Variants in ELAPOR1 observed in about 807,000 individuals in gnomAD.
The protein encoded by ELAPOR1 is endosome/lysosome-associated apoptosis and autophagy regulator 1.
Under a neutral mutation model 119.7 loss-of-function variants are expected in ELAPOR1, and 77 were observed. That is an observed-to-expected ratio of 0.64 (90% CI 0.54 to 0.78). The LOEUF (loss-of-function observed/expected upper bound fraction) is 0.78, where lower values mean the gene tolerates loss of function less well. Among genes scored for constraint, ELAPOR1 ranks in the 30% least tolerant of loss-of-function variants. The probability of loss-of-function intolerance (pLI) is 0.00; values close to 1 mark genes in which losing one functional copy is unlikely to be tolerated. For missense variants in ELAPOR1, 1,115 were observed against 1,270.4 expected (o/e 0.88, Z 1.86); for synonymous variants, 481 against 487.2 (o/e 0.99, Z 0.17).
intron 21 of ELAPOR1, chr1:109,201,330 C>T (rs1322304281): frequency 2.2e-6 from 1 of 456,806 alleles, no homozygotes; most frequent in African/African-American, 2.0e-5. Flanking sequence ...TGTCTGGGTC[C>T]AGTCCTTTGG....
chr1:109,127,072 T>G (rs1648823916), intron 1 of ELAPOR1, among the ~76,000 whole-genome samples: 1 of 152,144 alleles, frequency 6.6e-6, no homozygotes, highest in Non-Finnish European at 1.5e-5. Flanking sequence ...GTCACATTTC[T>G]TTCTTAAGCT....
intron 1 of ELAPOR1, among the ~76,000 whole-genome samples, chr1:109,127,303 C>T (rs554256514): frequency 2.0e-5 from 3 of 150,850 alleles, no homozygotes; most frequent in East Asian, 3.9e-4. Context: ...CAACCTCCAC[C>T]TCCCAGGTTC....
intron 3 of ELAPOR1, among the ~76,000 whole-genome samples, chr1:109,168,277 A>G (rs918048843): frequency 2.0e-5 from 3 of 152,102 alleles, no homozygotes; most frequent in Non-Finnish European, 2.9e-5. Flanking sequence ...CATTTCTCCA[A>G]TGGCACTTAT....
intron 3 of ELAPOR1, among the ~76,000 whole-genome samples, chr1:109,169,202 G>A (rs916078954): frequency 6.6e-6 from 1 of 152,100 alleles, no homozygotes; most frequent in African/African-American, 2.4e-5. Context: ...AAACACAGGG[G>A]GAAATCTGTG....
intron 1 of ELAPOR1, among the ~76,000 whole-genome samples, chr1:109,142,671 G>A (rs1292089292): frequency 6.6e-6 from 1 of 152,186 alleles, no homozygotes; most frequent in Non-Finnish European, 1.5e-5. Context: ...TTGAGGATGT[G>A]GAGAAATTGG....
At chr1:109,145,637 CAGAGCAAGA>C (rs1401090468) in intron 1 of ELAPOR1, among the ~76,000 whole-genome samples, 1 of 152,026 alleles carries the variant, frequency 6.6e-6, no homozygotes, top group Non-Finnish European at 1.5e-5. Flanking sequence ...ACCTGGGCAA[CAGAGCAAGA>C]GACTCTGTCT....
In ELAPOR1 at chr1:109,198,623, G is replaced by T. The variant is rs200702664; in HGVS notation, c.2450G>T (p.Arg817Leu). The T allele has an allele frequency of 1.2e-6, 2 of 1,613,868 alleles. No homozygotes were observed. The highest frequency in any genetic ancestry group is 4.5e-5 in the East Asian group (2 of 44,902). ...SCSSGRSTTI[R>L]VRCSPQKTVP... ...AGTTCTGGGAGATCAACCACCATCC[G>T]CGTCAGGTGCAGTCCACAGAAAACT... The change falls in exon 18 of 22, where the codon CGC (arginine) becomes CTC (leucine). Residue 817 changes from arginine (R) to leucine (L), a missense_variant. Transcript: ENST00000369939.
intron 7 of ELAPOR1, among the ~76,000 whole-genome samples, chr1:109,180,523 G>T (rs1033504242): frequency 1.3e-5 from 2 of 151,026 alleles, no homozygotes; most frequent in East Asian, 2.0e-4. Flanking sequence ...AAAAAAATGG[G>T]AATGACAATA....
In ELAPOR1 at chr1:109,173,731, G is replaced by C. The variant is rs146748017; in HGVS notation, c.846G>C (p.Thr282=). 7 of 1,614,020 alleles carry C rather than the reference G, an allele frequency of 4.3e-6. No homozygotes were observed. The African/African-American group carries it at 9.3e-5, about 22-fold the overall frequency. ...AATGCTTCCCCTGCAAACCTGGCAC[G>C]TATGCAGACAAGCAGGGCTCCTCTT... ...TSECFPCKPG[T]YADKQGSSFC... Residue 282 remains threonine (T), a synonymous_variant, in exon 7 of 22, where the codon ACG becomes ACC. Transcript: ENST00000369939.
At chr1:109,193,948 A>G (rs1653613816) in intron 14 of ELAPOR1, among the ~76,000 whole-genome samples, 1 of 152,182 alleles carries the variant, frequency 6.6e-6, no homozygotes, top group Non-Finnish European at 1.5e-5. Context: ...CCCCTTTCGG[A>G]GTTCAGTTTC....
chr1:109,141,051 C>T (rs1482387841), intron 1 of ELAPOR1, among the ~76,000 whole-genome samples: 3 of 151,938 alleles, frequency 2.0e-5, no homozygotes, highest in African/African-American at 4.8e-5. Flanking sequence ...GGGGTTTCAC[C>T]GGGTTGGCCA....
At chr1:109,155,432 C>T (rs962159816) in intron 1 of ELAPOR1, among the ~76,000 whole-genome samples, 1 of 152,110 alleles carries the variant, frequency 6.6e-6, no homozygotes, top group Non-Finnish European at 1.5e-5. Context: ...CTCGCCTTGG[C>T]CTCCCAAAGT....
chr1:109,183,455 G>T (rs1174350020), intron 7 of ELAPOR1, among the ~76,000 whole-genome samples: 1 of 151,968 alleles, frequency 6.6e-6, no homozygotes, highest in African/African-American at 2.4e-5. Flanking sequence ...CTATCCAGAG[G>T]TTCACAGGGT....
chr1:109,186,809 C>G (rs902309671), intron 8 of ELAPOR1: 7 of 985,498 alleles, frequency 7.1e-6, no homozygotes, highest in Non-Finnish European at 8.4e-6. Context: ...TGGGCTCACG[C>G]CAAGGCCTTC....
At chr1:109,144,061 A>ATATATATTTTTTTTTTTTTTTTTTT in intron 1 of ELAPOR1, among the ~76,000 whole-genome samples, 5 of 89,018 alleles carry the variant, frequency 5.6e-5, no homozygotes, top group African/African-American at 2.4e-4. Context: ...ATATTTATAT[A>ATATATATTTTTTTTTTTTTTTTTTT]TTTTTTTTTT....
chr1:109,201,448 A>C, intron 21 of ELAPOR1: 1 of 440,506 alleles, frequency 2.3e-6, no homozygotes, highest in Non-Finnish European at 4.6e-6. Flanking sequence ...TGCAATACAG[A>C]CAATACTGTC....
rs1202762269 is a variant in ELAPOR1 at position 109,206,093 on chromosome 1, CA to C, written c.*3082del. On this transcript the variant is annotated 3_prime_UTR_variant, in exon 22 of 22. Transcript: ENST00000369939. ...GCAGTGCCATGATCTTGGCTCACTG[CA>C]GCCTCCCCATCCTGGGTTCAAGTGA... 2 of 152,072 alleles carry C rather than the reference CA, an allele frequency of 1.3e-5. No individual in the cohort carries two copies. The highest frequency in any genetic ancestry group is 6.6e-5 in the Admixed American group (1 of 15,262). The allele number at this position is 152,072 out of a possible 1,614,324, so 9.4% of individuals were successfully genotyped here.
chr1:109,200,276 T>C (rs1320540501), intron 20 of ELAPOR1, 39 bp downstream of exon 20: 1 of 1,595,516 alleles, frequency 6.3e-7, no homozygotes. Context: ...ATGGACAGGG[T>C]TGGATTATTG....
intron 1 of ELAPOR1, among the ~76,000 whole-genome samples, chr1:109,118,136 AAAGAAAG>A (rs1404887612): frequency 1.3e-5 from 2 of 152,058 alleles, no homozygotes; most frequent in African/African-American, 4.8e-5. Flanking sequence ...TCAAAAAAAA[AAAGAAAG>A]AAAGAAAGAA....
Sources: allele counts gnomAD v4.1 joint callset (sites outside exome capture counted in the v4.1 genomes callset), GRCh38; gene constraint gnomAD v4.1.1; transcripts MANE v1.5; gene names NCBI Gene and HGNC (gene_info 2026-07-23, HGNC 2026-07-21).